Variants in CIB1 observed in about 807,000 individuals in gnomAD.
CIB1 encodes the protein calcium and integrin binding 1, also known as calcium and integrin-binding protein 1.
In CIB1, 19 loss-of-function variants were observed where a neutral mutation model predicts 25.0. That is an observed-to-expected ratio of 0.76 (90% CI 0.53 to 1.12). The LOEUF is 1.12. Ranked by LOEUF, CIB1 falls within the 50% of genes most tolerant of loss-of-function variation. The pLI is 0.00. For missense variants in CIB1, 236 were observed against 242.6 expected (o/e 0.97, Z 0.18); for synonymous variants, 104 against 98.5 (o/e 1.06, Z -0.33).
upstream of CIB1, chr15:90,234,236 C>T: frequency 4.0e-6 from 1 of 247,306 alleles, no homozygotes; most frequent in Non-Finnish European, 7.7e-6. Flanking sequence ...CATGACCTCG[C>T]TGTGGCCCCG....
the CIB1 span, chr15:90,253,372 C>T: frequency 1.4e-4 from 224 of 1,606,448 alleles, no homozygotes; most frequent in African/African-American, 2.7e-3. Context: ...TTTCAGGTAC[C>T]CATCTCCTGA....
the CIB1 span, among the ~76,000 whole-genome samples, chr15:90,246,629 A>G: frequency 2.3e-3 from 355 of 151,358 alleles, 5 homozygotes; most frequent in African/African-American, 8.2e-3. Flanking sequence ...TCTCTCTGAA[A>G]ATACAAAAAT....
the CIB1 span, chr15:90,250,940 G>A: frequency 6.3e-7 from 1 of 1,582,562 alleles, no homozygotes; most frequent in East Asian, 2.2e-5. Flanking sequence ...GTCACCCATT[G>A]GCCTCCCTTC....
chr15:90,251,736 A>C, the CIB1 span: 1 of 777,506 alleles, frequency 1.3e-6, no homozygotes, highest in Non-Finnish European at 2.2e-6. Context: ...TGAGCTTCCT[A>C]GGTGTCCTCT....
the CIB1 span, among the ~76,000 whole-genome samples, chr15:90,251,389 G>C: frequency 6.7e-6 from 1 of 150,090 alleles, no homozygotes; most frequent in African/African-American, 2.5e-5. Context: ...CTCCCAAAGT[G>C]CTGGGATTAC....
At chr15:90,265,351 G>C in the CIB1 span, 24 of 1,227,520 alleles carry the variant, frequency 2.0e-5, no homozygotes, top group Admixed American at 8.6e-5. Context: ...GTCGCCGTCA[G>C]AAGACTGCCG....
At chr15:90,256,935 C>T in the CIB1 span, among the ~76,000 whole-genome samples, 1 of 152,136 alleles carries the variant, frequency 6.6e-6, no homozygotes, top group Non-Finnish European at 1.5e-5. Context: ...ATCCACCCTC[C>T]TCAGCCTCTC....
chr15:90,250,490 T>G, the CIB1 span: 1 of 1,017,954 alleles, frequency 9.8e-7, no homozygotes, highest in Non-Finnish European at 1.4e-6. Flanking sequence ...AACAGTTTTG[T>G]CCTGAAGGGG....
the CIB1 span, among the ~76,000 whole-genome samples, chr15:90,251,202 C>G: frequency 1.7e-3 from 252 of 146,136 alleles, 2 homozygotes; most frequent in African/African-American, 6.2e-3. Context: ...CAAGCTCCGC[C>G]TCCCGGGTTC....
the CIB1 span, chr15:90,265,609 C>T: frequency 6.8e-7 from 1 of 1,463,476 alleles, no homozygotes; most frequent in Non-Finnish European, 9.3e-7. Context: ...CGGGAAATAA[C>T]TTGCTACTAC....
At chr15:90,243,658 T>G in the CIB1 span, 21,689 of 95,306 alleles carry the variant, frequency 0.23, 1,935 homozygotes, top group Admixed American at 0.24. Flanking sequence ...TTTTTTTTTT[T>G]TTTTTTTTTT....
the CIB1 span, chr15:90,256,361 C>A: frequency 6.2e-7 from 1 of 1,601,612 alleles, no homozygotes; most frequent in Non-Finnish European, 8.5e-7. Flanking sequence ...CTCATCTCTC[C>A]CAAAAGCCAG....
chr15:90,232,929 C>CA (rs35084096), intron 2 of CIB1, among the ~76,000 whole-genome samples: 4,389 of 136,166 alleles, frequency 0.032, 104 homozygotes, highest in Non-Finnish European at 0.044. Flanking sequence ...GACGCTGTCT[C>CA]AAAAAAAAAA....
the CIB1 span, chr15:90,264,817 G>A: frequency 3.9e-6 from 6 of 1,536,078 alleles, no homozygotes; most frequent in Admixed American, 3.9e-5. Flanking sequence ...TTCTGCAACC[G>A]GAAAGAGTGG....
At chr15:90,247,548 C>T in the CIB1 span, among the ~76,000 whole-genome samples, 38 of 151,456 alleles carry the variant, frequency 2.5e-4, 1 homozygote, top group East Asian at 4.4e-3. Context: ...GGTTGACATA[C>T]CTATCAAGGA....
chr15:90,254,260 C>T, the CIB1 span, among the ~76,000 whole-genome samples: 5 of 150,212 alleles, frequency 3.3e-5, no homozygotes, highest in Non-Finnish European at 5.9e-5. Context: ...TTTGGGAGGC[C>T]GAGGCGGGCG....
At chr15:90,241,298 G>T in the CIB1 span, 2 of 1,614,192 alleles carry the variant, frequency 1.2e-6, no homozygotes, top group Non-Finnish European at 1.7e-6. Context: ...ACAAGATCCG[G>T]CCCGGAGAAG....
At chr15:90,265,003 C>T in the CIB1 span, 9 of 1,507,986 alleles carry the variant, frequency 6.0e-6, no homozygotes, top group African/African-American at 1.1e-4. Flanking sequence ...TCCTGGATAA[C>T]CTCCCCAGGT....
At chr15:90,256,570 TTTC>T in the CIB1 span, among the ~76,000 whole-genome samples, 7 of 36,386 alleles carry the variant, frequency 1.9e-4, no homozygotes, top group African/African-American at 5.1e-4. Flanking sequence ...TCTTTCTTTC[TTTC>T]TTTCTTTCTT....
Sources: allele counts gnomAD v4.1 joint callset (sites outside exome capture counted in the v4.1 genomes callset), GRCh38; gene constraint gnomAD v4.1.1; transcripts MANE v1.5; gene names NCBI Gene and HGNC (gene_info 2026-07-23, HGNC 2026-07-21).